The following HSD17B2 variants were observed in gnomAD, a reference collection of about 807,000 sequenced individuals.
HSD17B2 encodes hydroxysteroid 17-beta dehydrogenase 2.
A neutral mutation model predicts 26.9 loss-of-function variants in HSD17B2; 32 were observed. The observed-to-expected ratio is 1.19, with a 90% CI of 0.90 to 1.60. The LOEUF (loss-of-function observed/expected upper bound fraction) is 1.60, where lower values mean the gene tolerates loss of function less well. Among genes scored for constraint, HSD17B2 ranks in the 40% most tolerant of loss-of-function variants. The probability of loss-of-function intolerance (pLI) is 0.00; values close to 1 mark genes in which losing one functional copy is unlikely to be tolerated. For missense variants in HSD17B2, 613 were observed against 468.6 expected (o/e 1.31, Z -2.85); for synonymous variants, 246 against 186.7 (o/e 1.32, Z -2.59).
intron 3 of HSD17B2, among the ~76,000 whole-genome samples, chr16:82,088,935 G>C (rs919109741): frequency 1.3e-5 from 2 of 152,144 alleles, no homozygotes; most frequent in Non-Finnish European, 2.9e-5. Context: ...TAAATTACTA[G>C]CTCACCAATT....
chr16:82,087,090 A>G (rs1904549693), intron 3 of HSD17B2, among the ~76,000 whole-genome samples: 1 of 152,208 alleles, frequency 6.6e-6, no homozygotes, highest in African/African-American at 2.4e-5. Flanking sequence ...GCTTTGAGAT[A>G]GGAATTTTTG....
At chr16:82,069,763 G>C (rs1914655258) in intron 2 of HSD17B2, among the ~76,000 whole-genome samples, 1 of 152,138 alleles carries the variant, frequency 6.6e-6, no homozygotes, top group Non-Finnish European at 1.5e-5. Context: ...TAACTTGGCA[G>C]ACCCAATGCA....
At chr16:82,047,870 G>A (rs1354698988) in intron 1 of HSD17B2, among the ~76,000 whole-genome samples, 4 of 152,198 alleles carry the variant, frequency 2.6e-5, no homozygotes, top group Admixed American at 6.5e-5. Flanking sequence ...TCCACAACAG[G>A]CTCAAGGAAT....
intron 2 of HSD17B2, 129 bp from the exon 3 acceptor site, chr16:82,070,813 T>C (rs1213259040): frequency 6.3e-6 from 5 of 794,960 alleles, no homozygotes; most frequent in Non-Finnish European, 1.0e-5. Context: ...CTTTGTCCAG[T>C]GGCAGACTCT....
chr16:82,082,732 G>A (rs959371302), intron 3 of HSD17B2, among the ~76,000 whole-genome samples: 1 of 152,192 alleles, frequency 6.6e-6, no homozygotes, highest in Non-Finnish European at 1.5e-5. Context: ...GCTCAGAACA[G>A]TGCTTGGCAT....
At chr16:82,090,284 T>C (rs1236638404) in intron 3 of HSD17B2, 2 of 219,630 alleles carry the variant, frequency 9.1e-6, no homozygotes, top group African/African-American at 4.9e-5. Flanking sequence ...GTGCTCTTCA[T>C]CTTACCTAAA....
At chr16:82,069,955 A>G (rs1914659929) in intron 2 of HSD17B2, among the ~76,000 whole-genome samples, 1 of 152,152 alleles carries the variant, frequency 6.6e-6, no homozygotes, top group South Asian at 2.1e-4. Context: ...TCATTAGTTT[A>G]TAAAGCTCCC....
chr16:82,040,882 G>T (rs1348601839), intron 1 of HSD17B2, among the ~76,000 whole-genome samples: 2 of 152,196 alleles, frequency 1.3e-5, no homozygotes, highest in African/African-American at 4.8e-5. Context: ...GATAGATGCT[G>T]GAGAAGCATG....
intron 3 of HSD17B2, among the ~76,000 whole-genome samples, chr16:82,085,629 G>A (rs921750736): frequency 1.3e-5 from 2 of 152,016 alleles, no homozygotes; most frequent in Non-Finnish European, 2.9e-5. Context: ...GGAAGTGTTG[G>A]CAATTTAGGG....
At chr16:82,069,770 T>C (rs1273264806) in intron 2 of HSD17B2, among the ~76,000 whole-genome samples, 5 of 152,270 alleles carry the variant, frequency 3.3e-5, no homozygotes, top group South Asian at 2.1e-4. Flanking sequence ...GCAGACCCAA[T>C]GCAAAATGAA....
chr16:82,094,532 C>T (rs1233545228), intron 4 of HSD17B2: 1 of 152,138 alleles, frequency 6.6e-6, no homozygotes, highest in Non-Finnish European at 1.5e-5. Context: ...GATGCAGTGC[C>T]TGGGTTCTTC....
intron 3 of HSD17B2, among the ~76,000 whole-genome samples, chr16:82,080,209 C>A (rs560456093): frequency 6.6e-6 from 1 of 152,258 alleles, no homozygotes; most frequent in South Asian, 2.1e-4. Context: ...GTCTGGGAGG[C>A]AGAATAATGG....
At chr16:82,071,757 G>C (rs1400592958) in intron 3 of HSD17B2, 1 of 159,968 alleles carries the variant, frequency 6.3e-6, no homozygotes, top group Non-Finnish European at 1.4e-5. Flanking sequence ...CTCTTTTCTG[G>C]GACAGACATT....
At chr16:82,048,019 C>A (rs1335568910) in intron 1 of HSD17B2, among the ~76,000 whole-genome samples, 1 of 152,222 alleles carries the variant, frequency 6.6e-6, no homozygotes, top group Admixed American at 6.5e-5. Flanking sequence ...TTGTTTGAGA[C>A]ATGTTGAATT....
In HSD17B2 at chr16:82,063,233, C is replaced by T. The variant is rs141823838; in HGVS notation, c.266-4937C>T. 129 of 152,204 alleles carry T rather than the reference C, an allele frequency of 8.5e-4. 1 individual carries two copies. The highest frequency in any genetic ancestry group is 3.0e-3 in the African/African-American group (123 of 41,518). 9.4% of individuals were successfully genotyped at this position (152,204 alleles called of 1,614,324 possible). A position where few individuals can be genotyped will look rare whatever the true frequency, so the allele number is the denominator to read the frequency against. ...CAGTAGAGGCAAACTCTACATTTAC[C>T]AATATTGTGAGTGGAAACATCTGAA... On this transcript the variant is annotated intron_variant, in intron 1 of 4. Transcript: ENST00000199936.
chr16:82,086,954 G>C (rs1904544975), intron 3 of HSD17B2, among the ~76,000 whole-genome samples: 1 of 152,162 alleles, frequency 6.6e-6, no homozygotes, highest in South Asian at 2.1e-4. Context: ...GAGAGTGTGA[G>C]GTGTCTGGTG....
intron 3 of HSD17B2, among the ~76,000 whole-genome samples, chr16:82,084,185 T>G (rs1440933064): frequency 6.6e-6 from 1 of 152,166 alleles, no homozygotes; most frequent in African/African-American, 2.4e-5. Context: ...GAGGGTCATG[T>G]AGCACCTGAG....
intron 4 of HSD17B2, chr16:82,096,832 C>G (rs1044582812): frequency 1.3e-5 from 2 of 151,986 alleles, no homozygotes; most frequent in Non-Finnish European, 2.9e-5. Flanking sequence ...ATGAATGTCA[C>G]AAATATACTG....
At chr16:82,045,590 G>A (rs563349169) in intron 1 of HSD17B2, among the ~76,000 whole-genome samples, 40 of 152,360 alleles carry the variant, frequency 2.6e-4, no homozygotes, top group African/African-American at 9.6e-4. Flanking sequence ...GGCGATGAGA[G>A]TTCTGCCTTC....
Sources: allele counts gnomAD v4.1 joint callset (sites outside exome capture counted in the v4.1 genomes callset), GRCh38; gene constraint gnomAD v4.1.1; transcripts MANE v1.5; gene names NCBI Gene and HGNC (gene_info 2026-07-23, HGNC 2026-07-21).